The following CD163L1 variants were observed in gnomAD, a reference collection of about 807,000 sequenced individuals.
The protein encoded by CD163L1 is scavenger receptor cysteine-rich type 1 protein M160.
Under a neutral mutation model 165.4 loss-of-function variants are expected in CD163L1, and 124 were observed. The ratio of observed to expected loss-of-function variants is 0.75; its 90% CI spans 0.65 to 0.87. The LOEUF is 0.87. CD163L1 is among the 40% of genes least tolerant of loss of function. CD163L1 has a pLI of 0.00. For missense variants in CD163L1, 1,525 were observed against 1,799.9 expected, an observed-to-expected ratio of 0.85 and a Z score of 2.76; for synonymous variants, 585 against 662.2, an observed-to-expected ratio of 0.88 and a Z score of 1.79.
At chr12:7,414,831 C>A (rs140763674) in intron 4 of CD163L1, among the ~76,000 whole-genome samples, 4 of 152,128 alleles carry the variant, frequency 2.6e-5, no homozygotes, top group South Asian at 4.2e-4. Context: ...AAAAAAAGAA[C>A]CCTGCCAATC....
chr12:7,404,078 G>A (rs1432415453), intron 5 of CD163L1, among the ~76,000 whole-genome samples: 2 of 152,058 alleles, frequency 1.3e-5, no homozygotes, highest in African/African-American at 4.8e-5. Flanking sequence ...CGACTTGTCA[G>A]TCTTTATGAA....
At chr12:7,441,828 A>G (rs1035329525) in intron 1 of CD163L1, among the ~76,000 whole-genome samples, 4 of 152,186 alleles carry the variant, frequency 2.6e-5, no homozygotes, top group African/African-American at 9.6e-5. Context: ...TACCAAAGCT[A>G]TCCACTTTTC....
chr12:7,397,485 A>G (rs1490460432), intron 7 of CD163L1, among the ~76,000 whole-genome samples: 2 of 152,204 alleles, frequency 1.3e-5, no homozygotes, highest in African/African-American at 4.8e-5. Context: ...AGAATTCTGA[A>G]AATTAGGATG....
At chr12:7,361,724 C>T (rs1367636463) in intron 18 of CD163L1, among the ~76,000 whole-genome samples, 1 of 152,124 alleles carries the variant, frequency 6.6e-6, no homozygotes, top group Admixed American at 6.6e-5. Context: ...TCACAATAGT[C>T]TTTCCTCAGT....
At chr12:7,382,257 A>T (rs1947427215) in intron 8 of CD163L1, among the ~76,000 whole-genome samples, 1 of 151,990 alleles carries the variant, frequency 6.6e-6, no homozygotes, top group South Asian at 2.1e-4. Flanking sequence ...AGACACATTG[A>T]TATTCATGAT....
chr12:7,434,826 A>G (rs975504739), intron 2 of CD163L1, among the ~76,000 whole-genome samples: 2 of 152,154 alleles, frequency 1.3e-5, no homozygotes, highest in African/African-American at 2.4e-5. Context: ...TTCACAAAAG[A>G]TAACAATATT....
chr12:7,364,697 A>G (rs1033370815), intron 18 of CD163L1, among the ~76,000 whole-genome samples: 2 of 152,146 alleles, frequency 1.3e-5, no homozygotes, highest in African/African-American at 4.8e-5. Context: ...AATAGCTATA[A>G]AGAATATAAA....
intron 9 of CD163L1, among the ~76,000 whole-genome samples, chr12:7,378,126 C>T (rs1356404445): frequency 7.2e-5 from 11 of 152,194 alleles, no homozygotes; most frequent in Admixed American, 7.2e-4. Flanking sequence ...CACTGCAGTG[C>T]ACCCATCTGC....
At chr12:7,319,713 TG>T in the CD163L1 span, among the ~76,000 whole-genome samples, 1,148 of 152,290 alleles carry the variant, frequency 7.5e-3, 15 homozygotes, top group African/African-American at 0.026. Flanking sequence ...TCCTTTGGGT[TG>T]GGGATCCCTG....
chr12:7,408,461 A>G (rs188210888), intron 4 of CD163L1, among the ~76,000 whole-genome samples: 327 of 152,124 alleles, frequency 2.1e-3, no homozygotes, highest in Middle Eastern at 0.02. Context: ...AACTATTTCC[A>G]CTTTTGTATT....
intron 1 of CD163L1, among the ~76,000 whole-genome samples, chr12:7,442,245 G>T (rs1405785150): frequency 2.0e-5 from 3 of 152,136 alleles, no homozygotes; most frequent in Admixed American, 6.5e-5. Flanking sequence ...TGGAAAAGAT[G>T]AAGTCAGAGT....
Position 7,368,529 on chromosome 12 carries a change from CTTT to C in CD163L1, c.4073-335_4073-333del, listed in dbSNP as rs56678924. On this transcript the variant is annotated intron_variant, in intron 16 of 19. Transcript: ENST00000313599. The surrounding 1 kb of genome is among the most constrained non-coding windows in gnomAD (Gnocchi z 4.3). The stretch of plus-strand genomic sequence containing the variant: ...AGGGCTTGAGCTGAGCTGTTTCTTT[CTTT>C]TTTTTTTTTTTTTGAGATGGAGTCT... Among the ~76,000 whole-genome samples, 9 of 137,190 alleles carry C rather than the reference CTTT, an allele frequency of 6.6e-5. No homozygotes were observed. Among genetic ancestry groups the C allele is most frequent in the Middle Eastern group, 3.8e-3 (1 of 264 alleles). The allele number at this position is 137,190 out of a possible 152,430, so 90.0% of individuals were successfully genotyped here.
rs762074169 is a variant in CD163L1, at chr12:7,396,130, C to A, written c.2015G>T (p.Cys672Phe). 6.2e-7 allele frequency: 1 copy of A among 1,613,934 alleles called. No homozygotes were observed. ...CACTCCAACATCTTCACTGTGACTG[C>A]AGTCATTATTTCCCCACCCACTGTT... is the stretch of plus-strand genomic sequence containing the variant. ...CRNSGWGNNDCSHSEDVGVIC... is the reference protein window; with the variant it reads ...CRNSGWGNNDFSHSEDVGVIC... The change falls in exon 8 of 20, where the codon TGC (cysteine) becomes TTC (phenylalanine). Residue 672 changes from cysteine to phenylalanine, a missense_variant. Transcript: ENST00000313599.
At chr12:7,406,245 T>C (rs200882400) in intron 5 of CD163L1, among the ~76,000 whole-genome samples, 1 of 152,184 alleles carries the variant, frequency 6.6e-6, no homozygotes, top group Admixed American at 6.5e-5. Flanking sequence ...AACAGCAATT[T>C]TGACTAGATT....
intron 4 of CD163L1, among the ~76,000 whole-genome samples, chr12:7,428,487 C>A (rs931217953): frequency 2.0e-5 from 3 of 151,958 alleles, no homozygotes; most frequent in Non-Finnish European, 2.9e-5. Context: ...AGAAAAATCA[C>A]CTCTTTGTCA....
rs751806091 is a variant in CD163L1 at position 7,433,693 on chromosome 12, A to G, written c.126T>C (p.Asn42=). Residue 42 remains asparagine, a splice_region_variant and synonymous_variant, in exon 3 of 20, where the codon AAT becomes AAC. Transcript: ENST00000313599. ...LNSCFLISSF[N]GTDLELRLVN... is the part of the protein sequence containing the mutation. ...CCAGCCTCAACTCCAAATCTGTTCC[A>G]TCTGCAAGAAAGACAGAAACATACA... is the stretch of plus-strand genomic sequence containing the variant. 11 of 1,602,354 alleles carry G rather than the reference A, an allele frequency of 6.9e-6. No individual in the cohort carries two copies. In the East Asian group the frequency reaches 2.2e-4, roughly 33 times the overall value.
At position 7,444,020 on chromosome 12, in the gene CD163L1, T is replaced by C. The variant is rs1591980156; in HGVS notation, c.31+77A>G. ...TTTACCTTACTACATAATATTTATA[T>C]CTGTTTGTTGTTACACATATTCTTA... On this transcript the variant is annotated intron_variant, in intron 1 of 19. Transcript: ENST00000313599. 5.3e-6 allele frequency: 7 copies of C among 1,322,948 alleles called. No homozygotes were observed. The East Asian group carries it at 1.6e-4, about 31-fold the overall frequency. The allele number at this position is 1,322,948 out of a possible 1,614,324, so 82.0% of individuals were successfully genotyped here.
At chr12:7,418,095 G>A (rs931778339) in intron 4 of CD163L1, among the ~76,000 whole-genome samples, 3 of 151,944 alleles carry the variant, frequency 2.0e-5, no homozygotes, top group African/African-American at 7.2e-5. Context: ...CTATTCATCA[G>A]CACATGGAAT....
chr12:7,369,690 T>C lies in CD163L1; in HGVS notation c.3731-25A>G. 1 of 1,592,478 alleles carries C rather than the reference T, an allele frequency of 6.3e-7. No homozygotes were observed. The highest frequency in any genetic ancestry group is 8.6e-7 in the Non-Finnish European group (1 of 1,164,672). On this transcript the variant is annotated intron_variant, in intron 14 of 19. Transcript: ENST00000313599. This position sits in a 1 kb window ranked among gnomAD's most constrained non-coding sequence, Gnocchi z 4.9. ...TCTACAAAGGCACAAAACATGGCTG[T>C]CTTTACTCCTGAAGGAGGTTGTGGG...
Sources: gnomAD v4.1 joint callset for allele counts (sites outside exome capture counted in the v4.1 genomes callset) on GRCh38, gnomAD v4.1.1 for gene constraint, Gnocchi (gnomAD v3.1) non-coding constraint, MANE v1.5 for transcripts, NCBI Gene and HGNC (gene_info 2026-07-23, HGNC 2026-07-21) for gene names.